SMG5: variants seen among roughly 807,000 people sequenced by gnomAD.
The protein encoded by SMG5 is SMG5 nonsense mediated mRNA decay factor.
SMG5 carries 53 observed loss-of-function variants against 122.9 expected under a neutral mutation model. The ratio of observed to expected loss-of-function variants is 0.43; its 90% CI spans 0.35 to 0.54. The LOEUF is 0.54. SMG5 is among the 20% of genes least tolerant of loss of function. The probability of loss-of-function intolerance (pLI) is 0.01; values close to 1 mark genes in which losing one functional copy is unlikely to be tolerated. For missense variants in SMG5, 1,153 were observed against 1,285.6 expected, an observed-to-expected ratio of 0.90 and a Z score of 1.58; for synonymous variants, 477 against 490.2, an observed-to-expected ratio of 0.97 and a Z score of 0.35.
At chr1:156,278,568 T>G (rs762356030) in intron 2 of SMG5, among the ~76,000 whole-genome samples, 62 of 152,254 alleles carry the variant, frequency 4.1e-4, no homozygotes, top group Middle Eastern at 3.4e-3. Context: ...GGTCTTGTTA[T>G]GTTGCCAGGT....
chr1:156,263,695 TGA>T, intron 12 of SMG5, 125 bp from the exon 13 acceptor site: 1 of 1,048,158 alleles, frequency 9.5e-7, no homozygotes, highest in Non-Finnish European at 1.3e-6. Context: ...AATTTGGATA[TGA>T]AAAATCTGGG....
chr1:156,277,633 C>A (rs1318570078), intron 3 of SMG5, among the ~76,000 whole-genome samples: 2 of 152,128 alleles, frequency 1.3e-5, no homozygotes, highest in East Asian at 3.9e-4. Context: ...CTGCCTCAGC[C>A]TCCCGAGTAG....
intron 12 of SMG5, among the ~76,000 whole-genome samples, chr1:156,265,471 G>C (rs1572584276): frequency 6.6e-6 from 1 of 152,222 alleles, no homozygotes; most frequent in Admixed American, 6.5e-5. Flanking sequence ...AAGCCCTGGA[G>C]GGACTTGGGA....
In SMG5 at chr1:156,266,038, C is replaced by A. The variant is rs945560275; in HGVS notation, c.1598G>T (p.Gly533Val). Residue 533 changes from glycine to valine, a missense_variant, in exon 12 of 22, where the codon GGG (glycine) becomes GTG (valine). By Grantham distance (109) the Gly-to-Val change is moderately radical (BLOSUM62 -3). Coordinates refer to ENST00000361813, the MANE Select transcript of SMG5 (RefSeq NM_015327.3). Reference sequence around the variant, plus strand: ...GGGCTCCAGGGTTGGTGACCGTGTCCCCTCCTCTTCCTCCATATCTTCCAA... The same window carrying A: ...GGGCTCCAGGGTTGGTGACCGTGTCACCTCCTCTTCCTCCATATCTTCCAA... ...SDLEDMEEEE[G>V]TRSPTLEPPR... The A allele has an allele frequency of 7.4e-6, 12 of 1,614,058 alleles. No individual in the cohort carries two copies. Among genetic ancestry groups the A allele is most frequent in the Non-Finnish European group, 1.0e-5 (12 of 1,180,040 alleles).
chr1:156,254,540 C>T (rs1412859395), intron 16 of SMG5, among the ~76,000 whole-genome samples: 3 of 152,068 alleles, frequency 2.0e-5, no homozygotes, highest in Admixed American at 1.3e-4. Context: ...GCCTCCCGGG[C>T]TCAAATGATC....
chr1:156,286,572 T>C, upstream of SMG5: 1 of 1,229,670 alleles, frequency 8.1e-7, no homozygotes, highest in Non-Finnish European at 1.2e-6. Context: ...CTTTCCGGAT[T>C]CTACACTGGC....
chr1:156,282,758 C>T lies in SMG5; in HGVS notation c.-78G>A. On this transcript the variant is annotated 5_prime_UTR_variant, in exon 1 of 22. Coordinates refer to ENST00000361813, the MANE Select transcript of SMG5 (RefSeq NM_015327.3). ...TACCGCCAACACTGCCGTCTCCGGCCGTAGCCGCAGCCGCCGCCGCCACCG... is the reference window on the plus strand; with the variant it reads ...TACCGCCAACACTGCCGTCTCCGGCTGTAGCCGCAGCCGCCGCCGCCACCG... The T allele has an allele frequency of 6.9e-7, 1 of 1,451,752 alleles. No homozygotes were observed. 89.9% of individuals were successfully genotyped at this position (1,451,752 alleles called of 1,614,324 possible).
chr1:156,285,810 G>GT (rs755267036), upstream of SMG5: 30 of 1,613,540 alleles, frequency 1.9e-5, no homozygotes, highest in African/African-American at 1.3e-5. Context: ...TGTGGAGACC[G>GT]TGAGTGGCTA....
At position 156,263,514 on chromosome 1, in the gene SMG5, T is replaced by C. The variant is rs76874019; in HGVS notation, c.1912A>G (p.Asn638Asp). ...AGCTTCTCCTGGATGCTGCGCTCAT[T>C]CCGACAGGAGCGTCCACTGGACTCA... ...GSESSGRSCR[N>D]ERSIQEKLQV... The change falls in exon 13 of 22, where the codon AAT (asparagine) becomes GAT (aspartate). Residue 638 changes from asparagine (N) to aspartate (D), a missense_variant. By Grantham distance (23) the Asn-to-Asp change is conservative (BLOSUM62 1). This residue lies in a region of SMG5 where 631 missense variants were observed against 650.6 expected (regional missense o/e 0.97). Transcript: ENST00000361813. 2 of 1,614,178 alleles carry C rather than the reference T, an allele frequency of 1.2e-6. No homozygotes were observed. Among genetic ancestry groups the C allele is most frequent in the East Asian group, 2.2e-5 (1 of 44,888 alleles).
intron 1 of SMG5, 127 bp from the exon 2 acceptor site, chr1:156,279,161 C>T (rs1324832089): frequency 6.4e-6 from 5 of 786,642 alleles, no homozygotes; most frequent in South Asian, 4.6e-5. Flanking sequence ...AGGCTGCAGG[C>T]TGAGCTCTGT....
chr1:156,285,510 G>A (rs372888007), upstream of SMG5: 12 of 1,614,022 alleles, frequency 7.4e-6, no homozygotes, highest in African/African-American at 1.3e-5. Flanking sequence ...CCTGGCTGGC[G>A]GGACATTGAA....
At chr1:156,261,549 G>A in intron 13 of SMG5, 141 bp from the exon 14 acceptor site, 1 of 694,404 alleles carries the variant, frequency 1.4e-6, no homozygotes. Flanking sequence ...AACAAAAGAA[G>A]CCTGGACAAC....
intron 7 of SMG5, among the ~76,000 whole-genome samples, chr1:156,268,836 G>A (rs972333743): frequency 6.6e-6 from 1 of 152,100 alleles, no homozygotes; most frequent in Non-Finnish European, 1.5e-5. Flanking sequence ...AACATGTACT[G>A]AGCACCCACT....
chr1:156,285,412 T>C (rs1663120588), upstream of SMG5: 1 of 1,606,854 alleles, frequency 6.2e-7, no homozygotes, highest in Non-Finnish European at 8.5e-7. Context: ...TAGAGGGGGC[T>C]GAGGATGGTC....
chr1:156,291,316 G>A, the SMG5 span: 2 of 1,456,612 alleles, frequency 1.4e-6, no homozygotes, highest in African/African-American at 1.4e-5. Context: ...TCCCCCCACC[G>A]TCAGCCTATT....
rs1034826338 is a variant in SMG5 at position 156,251,251 on chromosome 1, G to A, written c.2828+152C>T. 5.5e-5 allele frequency: 55 copies of A among 993,864 alleles called. No homozygotes were observed. In the East Asian group the frequency reaches 1.1e-3, roughly 21 times the overall value. The allele number at this position is 993,864 out of a possible 1,614,324, so 61.6% of individuals were successfully genotyped here. A position where few individuals can be genotyped will look rare whatever the true frequency, so the allele number is the denominator to read the frequency against. On this transcript the variant is annotated intron_variant, in intron 20 of 21. Transcript: ENST00000361813. ...AAAGCTCAGGTGCTGCGGCAACTTCGTACTCCTCGCAAGGTGAGGCCTGCA... is the reference window on the plus strand; with the variant it reads ...AAAGCTCAGGTGCTGCGGCAACTTCATACTCCTCGCAAGGTGAGGCCTGCA...
Position 156,251,061 on chromosome 1 carries a change from G to C in SMG5, c.2829-65C>G, listed in dbSNP as rs140966553. 2.1e-4 allele frequency: 333 copies of C among 1,581,024 alleles called. 2 individuals carry two copies. Among genetic ancestry groups the C allele is most frequent in the Middle Eastern group, 2.0e-3 (12 of 5,964 alleles). On this transcript the variant is annotated intron_variant, in intron 20 of 21. Transcript: ENST00000361813. ...AGCATTAGCACAGCCCAAACACCAGGATCTCCAGGGGACAGGGGCAGCTGG... is the reference window on the plus strand; with the variant it reads ...AGCATTAGCACAGCCCAAACACCAGCATCTCCAGGGGACAGGGGCAGCTGG...
Position 156,252,517 on chromosome 1 carries a change from G to A in SMG5, c.2663-13C>T, listed in dbSNP as rs1422757617. The A allele has an allele frequency of 4.3e-6, 7 of 1,613,670 alleles. No individual in the cohort carries two copies. The South Asian group carries it at 6.6e-5, about 15-fold the overall frequency. On this transcript the variant is annotated splice_polypyrimidine_tract_variant and intron_variant, in intron 18 of 21. Transcript: ENST00000361813. ...AGGCCATCGATCACTGGTGGGCAAG[G>A]TAGGGAAAGACAAAACAGATAAGCT...
chr1:156,291,491 A>T, the SMG5 span: 5 of 1,612,320 alleles, frequency 3.1e-6, no homozygotes, highest in Non-Finnish European at 4.2e-6. Flanking sequence ...CCTCTACTAC[A>T]TGTTCGTGGT....
Sources: gnomAD v4.1 joint callset for allele counts (sites outside exome capture counted in the v4.1 genomes callset) on GRCh38, gnomAD v4.1.1 for gene constraint, gnomAD v4.1.1 regional missense constraint, MANE v1.5 for transcripts, NCBI Gene and HGNC (gene_info 2026-07-23, HGNC 2026-07-21) for gene names.